Variants in SH3KBP1 observed in about 807,000 individuals in gnomAD.
The protein encoded by SH3KBP1 is SH3 domain containing kinase binding protein 1.
SH3KBP1 carries 8 observed loss-of-function variants against 50.1 expected under a neutral mutation model. The ratio of observed to expected loss-of-function variants is 0.16; its 90% CI spans 0.09 to 0.29. SH3KBP1 has a LOEUF of 0.29. Among genes scored for constraint, SH3KBP1 ranks in the 10% least tolerant of loss-of-function variants. The pLI is 1.00. For synonymous variants in SH3KBP1, 227 were observed against 218.6 expected (o/e 1.04, Z -0.34); for missense variants, 377 against 535.2 (o/e 0.70, Z 2.92).
chrX:19,837,989 G>A (rs2068105348), intron 1 of SH3KBP1, among the ~76,000 whole-genome samples: 1 of 110,636 alleles, frequency 9.0e-6, no homozygotes, highest in Admixed American at 9.7e-5. Context: ...AGAATGGATA[G>A]GAGAAAATCT....
At chrX:19,723,401 C>T (rs1480324045) in intron 3 of SH3KBP1, among the ~76,000 whole-genome samples, 1 of 112,004 alleles carries the variant, frequency 8.9e-6, no homozygotes, top group Admixed American at 9.5e-5. Flanking sequence ...TGAACTGATA[C>T]GGCAAGATTT....
intron 3 of SH3KBP1, among the ~76,000 whole-genome samples, chrX:19,727,296 T>C (rs2064245756): frequency 8.9e-6 from 1 of 112,249 alleles, no homozygotes; most frequent in African/African-American, 3.2e-5. Flanking sequence ...TGAAATTATA[T>C]ACCTATGAAA....
At chrX:19,774,093 C>T (rs888968897) in intron 2 of SH3KBP1, among the ~76,000 whole-genome samples, 8 of 110,216 alleles carry the variant, frequency 7.3e-5, no homozygotes, top group Non-Finnish European at 1.5e-4. Flanking sequence ...TCTGGGAACT[C>T]AGTAGCTGCC....
intron 13 of SH3KBP1, among the ~76,000 whole-genome samples, chrX:19,564,380 T>C (rs2065774948): frequency 8.9e-6 from 1 of 112,221 alleles, no homozygotes; most frequent in African/African-American, 3.2e-5. Context: ...GAACTTAGTA[T>C]TGATCAAATT....
intron 12 of SH3KBP1, among the ~76,000 whole-genome samples, chrX:19,587,016 A>C (rs1187229414): frequency 9.1e-6 from 1 of 110,424 alleles, no homozygotes; most frequent in Non-Finnish European, 1.9e-5. Context: ...CGAGGTCGGG[A>C]GTTTGAGACC....
At chrX:19,848,698 T>C (rs768899656) in intron 1 of SH3KBP1, among the ~76,000 whole-genome samples, 9 of 111,907 alleles carry the variant, frequency 8.0e-5, no homozygotes, top group African/African-American at 2.9e-4. Context: ...AATGAGAGAA[T>C]TGGACAATCA....
intron 1 of SH3KBP1, among the ~76,000 whole-genome samples, chrX:19,840,934 TGCAAAAACCAATGCTACA>T (rs1344151850): frequency 8.9e-6 from 1 of 112,101 alleles, no homozygotes; most frequent in East Asian, 2.8e-4. Flanking sequence ...CTACAGTCAC[TGCAAAAACCAATGCTACA>T]GTTAACCCCA....
intron 6 of SH3KBP1, chrX:19,648,006 G>A: frequency 2.7e-6 from 1 of 373,778 alleles, no homozygotes; most frequent in Non-Finnish European, 5.2e-6. Flanking sequence ...AACTTCAGGG[G>A]CCTATTCTCA....
At chrX:19,719,712 C>T (rs2064004650) in intron 3 of SH3KBP1, among the ~76,000 whole-genome samples, 1 of 109,272 alleles carries the variant, frequency 9.2e-6, no homozygotes, top group South Asian at 4.0e-4. Flanking sequence ...CATTAAAGCA[C>T]ATAAAAGAGA....
chrX:19,779,457 A>T (rs1457410147), intron 2 of SH3KBP1, among the ~76,000 whole-genome samples: 1 of 107,532 alleles, frequency 9.3e-6, no homozygotes. Context: ...TTTAAGTTTT[A>T]GGGTACATGT....
intron 1 of SH3KBP1, among the ~76,000 whole-genome samples, chrX:19,854,553 T>C (rs1259237698): frequency 1.8e-5 from 2 of 112,300 alleles, no homozygotes; most frequent in African/African-American, 6.5e-5. Flanking sequence ...GGAATGAATA[T>C]TGATTGTGTA....
intron 2 of SH3KBP1, among the ~76,000 whole-genome samples, chrX:19,834,379 GCAGGGGAC>G (rs1001544667): frequency 1.8e-5 from 2 of 112,214 alleles, no homozygotes; most frequent in Non-Finnish European, 3.8e-5. Context: ...GGAGACTACA[GCAGGGGAC>G]CTGGGGACTT....
chrX:19,851,270 C>T (rs920702273), intron 1 of SH3KBP1, among the ~76,000 whole-genome samples: 5 of 112,239 alleles, frequency 4.5e-5, no homozygotes, highest in Non-Finnish European at 9.4e-5. Context: ...AGAGGTTCCA[C>T]ATTAACAATG....
chrX:19,761,838 A>T (rs983593959), intron 2 of SH3KBP1, among the ~76,000 whole-genome samples: 5 of 112,748 alleles, frequency 4.4e-5, no homozygotes, highest in Non-Finnish European at 9.4e-5. Flanking sequence ...GTTCATTCCA[A>T]AAAATACATA....
intron 1 of SH3KBP1, among the ~76,000 whole-genome samples, chrX:19,875,005 T>C (rs1000548080): frequency 1.9e-5 from 2 of 104,974 alleles, no homozygotes; most frequent in Non-Finnish European, 3.9e-5. Context: ...AGGGAGGAGA[T>C]AGGCATTAGG....
intron 2 of SH3KBP1, among the ~76,000 whole-genome samples, chrX:19,801,166 T>C (rs896650428): frequency 3.6e-5 from 4 of 111,844 alleles, no homozygotes; most frequent in African/African-American, 1.3e-4. Context: ...TCCTCCTACA[T>C]ACGGGCTGTG....
At chrX:19,636,906 A>G (rs2148329601) in intron 7 of SH3KBP1, among the ~76,000 whole-genome samples, 1 of 112,461 alleles carries the variant, frequency 8.9e-6, no homozygotes, top group East Asian at 2.8e-4. Flanking sequence ...GCATTTGGAA[A>G]GTACCAGGTC....
chrX:19,693,086 T>C (rs2063337473), intron 5 of SH3KBP1, among the ~76,000 whole-genome samples: 1 of 111,920 alleles, frequency 8.9e-6, no homozygotes, highest in Non-Finnish European at 1.9e-5. Context: ...TCACATCTGC[T>C]CTTCTATGAA....
chrX:19,788,477 C>T (rs1183788111), intron 2 of SH3KBP1, among the ~76,000 whole-genome samples: 2 of 110,344 alleles, frequency 1.8e-5, no homozygotes, highest in African/African-American at 6.6e-5. Flanking sequence ...CCTGCCCACA[C>T]CTTGATCTCT....
Sources: allele counts gnomAD v4.1 joint callset (sites outside exome capture counted in the v4.1 genomes callset), GRCh38; gene constraint gnomAD v4.1.1; transcripts MANE v1.5; gene names NCBI Gene and HGNC (gene_info 2026-07-23, HGNC 2026-07-21).